Variants in CEP128 observed in about 807,000 individuals in gnomAD.
The protein encoded by CEP128 is centrosomal protein 128kDa.
CEP128 carries 132 observed loss-of-function variants against 156.7 expected under a neutral mutation model. The observed-to-expected ratio is 0.84, with a 90% CI of 0.73 to 0.97. CEP128 has a LOEUF of 0.97. CEP128 is among the 50% of genes least tolerant of loss of function. The pLI is 0.00. For missense variants in CEP128, 1,252 were observed against 1,281.9 expected (o/e 0.98, Z 0.36); for synonymous variants, 469 against 448.9 (o/e 1.04, Z -0.57).
chr14:80,754,762 C>T (rs1899566408), intron 18 of CEP128, among the ~76,000 whole-genome samples: 3 of 152,102 alleles, frequency 2.0e-5, no homozygotes, highest in African/African-American at 4.8e-5. Flanking sequence ...TGTGCCCGGA[C>T]GTCTTGTTCA....
intron 19 of CEP128, among the ~76,000 whole-genome samples, chr14:80,714,661 G>A (rs930457377): frequency 6.6e-6 from 1 of 151,684 alleles, no homozygotes; most frequent in African/African-American, 2.4e-5. Flanking sequence ...ACTAACGGCA[G>A]CTATATCATT....
chr14:80,863,137 T>C (rs1887600861), intron 8 of CEP128, among the ~76,000 whole-genome samples: 2 of 152,198 alleles, frequency 1.3e-5, no homozygotes, highest in Admixed American at 6.5e-5. Context: ...TATGATATAA[T>C]AATTCAGTAG....
upstream of CEP128, among the ~76,000 whole-genome samples, chr14:80,942,637 T>A (rs1057112876): frequency 6.6e-6 from 1 of 152,224 alleles, no homozygotes; most frequent in African/African-American, 2.4e-5. Context: ...CAAGGGTTCC[T>A]TAATCTAATA....
chr14:80,647,090 C>CA (rs1308365196), intron 19 of CEP128, among the ~76,000 whole-genome samples: 1 of 104,964 alleles, frequency 9.5e-6, no homozygotes, highest in Non-Finnish European at 2.0e-5. Context: ...TATATATACA[C>CA]CCTTATAAAT....
At chr14:80,543,446 G>C (rs781779758) in intron 21 of CEP128, among the ~76,000 whole-genome samples, 20 of 152,172 alleles carry the variant, frequency 1.3e-4, no homozygotes, top group Non-Finnish European at 2.6e-4. Flanking sequence ...TAATGTTAAA[G>C]GTTAAGTATG....
chr14:80,893,642 CA>C (rs1264049160), intron 8 of CEP128, among the ~76,000 whole-genome samples: 5 of 151,388 alleles, frequency 3.3e-5, no homozygotes, highest in Non-Finnish European at 5.9e-5. Context: ...ATTTACAAAA[CA>C]AAAAAAGTAT....
chr14:80,695,573 C>T (rs1428097462), intron 19 of CEP128, among the ~76,000 whole-genome samples: 37 of 151,772 alleles, frequency 2.4e-4, no homozygotes, highest in African/African-American at 7.7e-4. Context: ...AAAAATTAGC[C>T]GGGCGTGGTG....
Position 80,672,234 on chromosome 14 carries a change from G to A in CEP128, c.2806+70841C>T, listed in dbSNP as rs543785535. Among the ~76,000 whole-genome samples the A allele has an allele frequency of 4.0e-5, 6 of 151,704 alleles. No homozygotes were observed. In the East Asian group the frequency reaches 1.2e-3, roughly 29 times the overall value. On this transcript the variant is annotated intron_variant, in intron 19 of 24. Transcript: ENST00000555265. ...TATTTTTAGAAAGTCTTCACAAGAA[G>A]CATAGAAGTCTTCTCTTGTTTCTCT...
intron 23 of CEP128, among the ~76,000 whole-genome samples, chr14:80,519,351 T>G (rs772747350): frequency 1.3e-5 from 2 of 152,216 alleles, no homozygotes; most frequent in South Asian, 2.1e-4. Flanking sequence ...TCTCTAATGA[T>G]GAATATTTAA....
chr14:80,676,443 G>C (rs1007087159), intron 19 of CEP128, among the ~76,000 whole-genome samples: 14 of 138,790 alleles, frequency 1.0e-4, no homozygotes, highest in African/African-American at 2.7e-5. Context: ...ATTAATTTGT[G>C]ATTTTTTTTA....
At position 80,505,021 on chromosome 14, in the gene CEP128, C is replaced by T; in HGVS notation, c.3073-1G>A. 1.3e-6 allele frequency: 2 copies of T among 1,558,270 alleles called. No individual in the cohort carries two copies. The highest frequency in any genetic ancestry group is 2.4e-5 in the South Asian group (2 of 84,168). On this transcript the variant is annotated splice_acceptor_variant, in intron 23 of 24. Coordinates refer to ENST00000555265, the MANE Select transcript of CEP128 (RefSeq NM_152446.5). LOFTEE classifies it high-confidence loss of function. Reference sequence around the variant, plus strand: ...AACCTTCCAGAAAGGTTCTGTCACCCTAAGGAAAAAAAGGCACAGCATTTC... The same window carrying T: ...AACCTTCCAGAAAGGTTCTGTCACCTTAAGGAAAAAAAGGCACAGCATTTC...
intron 19 of CEP128, among the ~76,000 whole-genome samples, chr14:80,665,843 A>G (rs1895590793): frequency 6.7e-6 from 1 of 150,174 alleles, no homozygotes; most frequent in Admixed American, 6.6e-5. Flanking sequence ...AAATAAGTTA[A>G]AAAAAAATAC....
chr14:80,482,745 A>T (rs1887081574), intron 14 of CEP128, among the ~76,000 whole-genome samples: 1 of 152,230 alleles, frequency 6.6e-6, no homozygotes, highest in Non-Finnish European at 1.5e-5. Context: ...CTTTAGTAGA[A>T]AGGGTTGTGA....
chr14:80,844,257 C>T (rs10134286), intron 9 of CEP128, among the ~76,000 whole-genome samples: 9,886 of 151,932 alleles, frequency 0.065, 1,068 homozygotes, highest in African/African-American at 0.23. Flanking sequence ...TTAAAAATAG[C>T]TAGGTGGGTA....
chr14:80,527,014 T>C (rs755283612), intron 22 of CEP128, 32 bp from the exon 23 acceptor site: 2 of 1,023,820 alleles, frequency 2.0e-6, no homozygotes, highest in East Asian at 2.4e-5. Flanking sequence ...GGGTCTGAAC[T>C]GGTAGATGAA....
chr14:80,523,457 G>A (rs1489556456), intron 23 of CEP128, among the ~76,000 whole-genome samples: 1 of 152,124 alleles, frequency 6.6e-6, no homozygotes, highest in African/African-American at 2.4e-5. Context: ...TTTGTATGAA[G>A]GATTTAAATT....
chr14:80,796,800 T>C (rs530638006), intron 13 of CEP128, among the ~76,000 whole-genome samples: 8 of 152,268 alleles, frequency 5.3e-5, no homozygotes, highest in Admixed American at 3.9e-4. Context: ...CTTTCAAATA[T>C]CTAATGGCTT....
chr14:80,725,234 G>C (rs1346269910), intron 19 of CEP128, among the ~76,000 whole-genome samples: 1 of 147,178 alleles, frequency 6.8e-6, no homozygotes, highest in Non-Finnish European at 1.5e-5. Context: ...CCAGGCTGTA[G>C]TGCAGTGGCA....
rs116202869 is a variant in CEP128, at chr14:80,705,133, A to C, written c.2806+37942T>G. Reference sequence around the variant, plus strand: ...AATCCTTAACAGCATATCATGAAAGAAGTAATCAGTATTCCTATTTCCCAA... The same window carrying C: ...AATCCTTAACAGCATATCATGAAAGCAGTAATCAGTATTCCTATTTCCCAA... On this transcript the variant is annotated intron_variant, in intron 19 of 24. Transcript: ENST00000555265. Among the ~76,000 whole-genome samples the C allele has an allele frequency of 3.9e-3, 590 of 152,194 alleles. 3 individuals carry two copies. The highest frequency in any genetic ancestry group is 0.014 in the African/African-American group (564 of 41,560).
Sources: gnomAD v4.1 joint callset for allele counts (sites outside exome capture counted in the v4.1 genomes callset) on GRCh38, gnomAD v4.1.1 for gene constraint, MANE v1.5 for transcripts, NCBI Gene and HGNC (gene_info 2026-07-23, HGNC 2026-07-21) for gene names.